SLC25A21: variants seen among roughly 807,000 people sequenced by gnomAD.
The protein encoded by SLC25A21 is solute carrier family 25 member 21, also known as mitochondrial 2-oxodicarboxylate carrier.
A neutral mutation model predicts 43.8 loss-of-function variants in SLC25A21; 47 were observed. That is an observed-to-expected ratio of 1.07 (90% CI 0.85 to 1.37). The LOEUF (loss-of-function observed/expected upper bound fraction) is 1.37, where lower values mean the gene tolerates loss of function less well. SLC25A21 is among the 40% of genes most tolerant of loss of function. The pLI, the probability that SLC25A21 is intolerant of heterozygous loss-of-function variation, is 0.00. For missense variants in SLC25A21, 352 were observed against 350.2 expected, an observed-to-expected ratio of 1.00 and a Z score of -0.04; for synonymous variants, 131 against 121.3, an observed-to-expected ratio of 1.08 and a Z score of -0.52.
chr14:37,035,152 TGCTAAATTA>T (rs912846598), intron 1 of SLC25A21, among the ~76,000 whole-genome samples: 1 of 152,236 alleles, frequency 6.6e-6, no homozygotes, highest in Admixed American at 6.5e-5. Flanking sequence ...TCAGGGCACT[TGCTAAATTA>T]GCTATGGTTC....
At chr14:36,802,905 C>A (rs1361602910) in intron 3 of SLC25A21, among the ~76,000 whole-genome samples, 1 of 152,142 alleles carries the variant, frequency 6.6e-6, no homozygotes, top group East Asian at 1.9e-4. Flanking sequence ...AACATTCAAA[C>A]CAGAGGGTAA....
intron 1 of SLC25A21, among the ~76,000 whole-genome samples, chr14:36,983,410 CA>C (rs1217381781): frequency 3.3e-5 from 5 of 150,950 alleles, no homozygotes; most frequent in Non-Finnish European, 7.4e-5. Context: ...CAGCAGTAAA[CA>C]AAACAGTCAA....
intron 1 of SLC25A21, among the ~76,000 whole-genome samples, chr14:37,038,984 T>C (rs1251309629): frequency 6.6e-6 from 1 of 152,170 alleles, no homozygotes; most frequent in East Asian, 1.9e-4. Context: ...TTGCTCCTTC[T>C]AGAATGTCAT....
chr14:36,959,049 C>A (rs927236500), intron 1 of SLC25A21, among the ~76,000 whole-genome samples: 1 of 152,154 alleles, frequency 6.6e-6, no homozygotes, highest in Non-Finnish European at 1.5e-5. Flanking sequence ...GTGTGCTTCT[C>A]GTGGTTGCCT....
intron 2 of SLC25A21, among the ~76,000 whole-genome samples, chr14:36,872,859 C>T (rs541302232): frequency 6.6e-6 from 1 of 152,264 alleles, no homozygotes; most frequent in Admixed American, 6.5e-5. Context: ...CAAAATGATA[C>T]AGCTTTTGAA....
At chr14:36,849,061 G>A (rs974275170) in intron 2 of SLC25A21, among the ~76,000 whole-genome samples, 5 of 152,166 alleles carry the variant, frequency 3.3e-5, no homozygotes, top group African/African-American at 9.7e-5. Flanking sequence ...TAAAATCAAG[G>A]TGGTAAAGAT....
chr14:36,991,993 A>G (rs1342186853), intron 1 of SLC25A21, among the ~76,000 whole-genome samples: 2 of 152,208 alleles, frequency 1.3e-5, no homozygotes, highest in Non-Finnish European at 2.9e-5. Context: ...GTGTTACAGT[A>G]GTTTGGGGTT....
intron 3 of SLC25A21, among the ~76,000 whole-genome samples, chr14:36,798,312 C>T (rs907988878): frequency 6.6e-6 from 1 of 152,000 alleles, no homozygotes; most frequent in African/African-American, 2.4e-5. Flanking sequence ...CTGGAAAGTC[C>T]CTTCATAGTT....
In SLC25A21 at chr14:36,729,500, CACTT is replaced by C; in HGVS notation, c.330+3_330+6del. On this transcript the variant is annotated splice_donor_5th_base_variant and intron_variant, in intron 5 of 9. Transcript: ENST00000331299. ...CACATTTAAGTATAATAAATACTCT[CACTT>C]ACCAATGCTGGTGACAGTGACACAT... The C allele has an allele frequency of 1.3e-6, 2 of 1,596,630 alleles. No homozygotes were observed. The highest frequency in any genetic ancestry group is 1.7e-6 in the Non-Finnish European group (2 of 1,171,020).
intron 1 of SLC25A21, among the ~76,000 whole-genome samples, chr14:36,974,100 A>G (rs923833365): frequency 6.6e-6 from 1 of 152,190 alleles, no homozygotes; most frequent in Non-Finnish European, 1.5e-5. Flanking sequence ...AAATAAAAGG[A>G]CACTGGGATG....
chr14:37,037,713 G>A (rs1352882998), intron 1 of SLC25A21, among the ~76,000 whole-genome samples: 2 of 152,020 alleles, frequency 1.3e-5, no homozygotes, highest in Non-Finnish European at 2.9e-5. Context: ...CACATTTGAG[G>A]AGCATTTTAG....
intron 1 of SLC25A21, among the ~76,000 whole-genome samples, chr14:37,138,356 G>A (rs1963518072): frequency 6.6e-6 from 1 of 152,038 alleles, no homozygotes; most frequent in Non-Finnish European, 1.5e-5. Context: ...TATAAGATAT[G>A]GCCTTTATGC....
chr14:36,858,378 C>T (rs549039777), intron 2 of SLC25A21, among the ~76,000 whole-genome samples: 1 of 152,222 alleles, frequency 6.6e-6, no homozygotes, highest in South Asian at 2.1e-4. Flanking sequence ...CAACAAGAAA[C>T]CACCAGAAAG....
Position 36,864,419 on chromosome 14 carries a change from T to C in SLC25A21, c.119+10537A>G, listed in dbSNP as rs111642257. ...GCCCTGTTTTTATTTGATTATGTTATTAAACAAAATCTTTACTAATGACTG... is the reference window on the plus strand; with the variant it reads ...GCCCTGTTTTTATTTGATTATGTTACTAAACAAAATCTTTACTAATGACTG... On this transcript the variant is annotated intron_variant, in intron 2 of 9. Coordinates refer to ENST00000331299, the MANE Select transcript of SLC25A21 (RefSeq NM_030631.4). Among the ~76,000 whole-genome samples, 502 of 152,342 alleles carry C rather than the reference T, an allele frequency of 3.3e-3. 5 individuals carry two copies. The highest frequency in any genetic ancestry group is 0.011 in the African/African-American group (468 of 41,584).
intron 3 of SLC25A21, among the ~76,000 whole-genome samples, chr14:36,749,551 C>G (rs1885624778): frequency 6.6e-6 from 1 of 152,156 alleles, no homozygotes; most frequent in Non-Finnish European, 1.5e-5. Flanking sequence ...TCCTATCTCC[C>G]TCAGAGCAAA....
chr14:36,758,835 GAGC>G (rs1342216462), intron 3 of SLC25A21, among the ~76,000 whole-genome samples: 1 of 152,160 alleles, frequency 6.6e-6, no homozygotes, highest in African/African-American at 2.4e-5. Flanking sequence ...CTCCTGAAGA[GAGC>G]AGCCCAGAGC....
chr14:37,056,979 C>T (rs1304063749), intron 1 of SLC25A21, among the ~76,000 whole-genome samples: 2 of 152,148 alleles, frequency 1.3e-5, no homozygotes, highest in Non-Finnish European at 2.9e-5. Context: ...TGTTTGGTTT[C>T]TTTAAACCTC....
rs1229828371 is a variant in SLC25A21 at position 37,091,433 on chromosome 14, C to CA, written c.70+80847dup. On this transcript the variant is annotated intron_variant, in intron 1 of 9. Transcript: ENST00000331299. ...CAGGTGACAGAATGAGACTCAGTCT[C>CA]AAAAAAAAAAAAAAGCAATAGACAA... Among the ~76,000 whole-genome samples the CA allele has an allele frequency of 5.1e-3, 534 of 104,918 alleles. 1 individual carries two copies. Among genetic ancestry groups the CA allele is most frequent in the East Asian group, 0.017 (61 of 3,606 alleles). The allele number at this position is 104,918 out of a possible 152,430, so 68.8% of individuals were successfully genotyped here. A position where few individuals can be genotyped will look rare whatever the true frequency, so the allele number is the denominator to read the frequency against.
At chr14:36,912,180 A>C (rs1891704345) in intron 1 of SLC25A21, among the ~76,000 whole-genome samples, 1 of 152,210 alleles carries the variant, frequency 6.6e-6, no homozygotes, top group Admixed American at 6.5e-5. Context: ...TTTGCTAAGA[A>C]TTTATGGCAA....
Sources: gnomAD v4.1 joint callset for allele counts (sites outside exome capture counted in the v4.1 genomes callset) on GRCh38, gnomAD v4.1.1 for gene constraint, MANE v1.5 for transcripts, NCBI Gene and HGNC (gene_info 2026-07-23, HGNC 2026-07-21) for gene names.